The following ST6GAL1 variants were observed in gnomAD, a reference collection of about 807,000 sequenced individuals.
The protein encoded by ST6GAL1 is beta-galactoside alpha-2,6-sialyltransferase 1.
In ST6GAL1, 20 loss-of-function variants were observed where a neutral mutation model predicts 38.0. That is an observed-to-expected ratio of 0.53 (90% confidence interval 0.37 to 0.77). ST6GAL1 has a LOEUF of 0.77. ST6GAL1 is among the 30% of genes least tolerant of loss of function. The pLI, the probability that ST6GAL1 is intolerant of heterozygous loss-of-function variation, is 0.00. For synonymous variants in ST6GAL1, 196 were observed against 188.2 expected (o/e 1.04, Z -0.34); for missense variants, 432 against 496.4 (o/e 0.87, Z 1.23).
chr3:187,062,901 A>G (rs548336217), intron 5 of ST6GAL1, among the ~76,000 whole-genome samples: 1 of 152,220 alleles, frequency 6.6e-6, no homozygotes, highest in African/African-American at 2.4e-5. Flanking sequence ...TCCACTTTAT[A>G]TGGAACACCT....
rs1717930062 is a variant in ST6GAL1, at chr3:187,036,308, A to G, written c.-182-2434A>G. Reference sequence around the variant, plus strand: ...CCTACACACTGTTGTTGAGAATGTTAATTAGTTCAGCCACCATGAAAAGCA... The same window carrying G: ...CCTACACACTGTTGTTGAGAATGTTGATTAGTTCAGCCACCATGAAAAGCA... On this transcript the variant is annotated intron_variant, in intron 2 of 7. Coordinates refer to ENST00000169298, the MANE Select transcript of ST6GAL1 (RefSeq NM_173216.2). Among the ~76,000 whole-genome samples the G allele has an allele frequency of 2.0e-5, 3 of 152,230 alleles. No homozygotes were observed. In the South Asian group the frequency reaches 6.2e-4, roughly 32 times the overall value.
intron 2 of ST6GAL1, among the ~76,000 whole-genome samples, chr3:187,012,410 A>C (rs1183756999): frequency 6.6e-6 from 1 of 152,112 alleles, no homozygotes; most frequent in Non-Finnish European, 1.5e-5. Context: ...GGCGTGCGCC[A>C]CCATACCCAG....
intron 2 of ST6GAL1, chr3:187,006,649 AAAG>A (rs1716796335): frequency 6.6e-6 from 1 of 152,218 alleles, no homozygotes; most frequent in Admixed American, 6.5e-5. Flanking sequence ...ACTGAGGTAA[AAAG>A]AAGTAAGTGA....
In ST6GAL1 at chr3:187,076,930, CTTCCTT is replaced by C; in HGVS notation, c.*1131_*1136del. On this transcript the variant is annotated 3_prime_UTR_variant, in exon 8 of 8. Transcript: ENST00000169298. The stretch of plus-strand genomic sequence containing the variant: ...GCTGGGTTTACATACCAGTCCCATT[CTTCCTT>C]TTCAATACCTACCCCCAAATCTTCT... 1 of 398,532 alleles carries C rather than the reference CTTCCTT, an allele frequency of 2.5e-6. No homozygotes were observed. Among genetic ancestry groups the C allele is most frequent in the East Asian group, 3.6e-5 (1 of 28,062 alleles). The allele number at this position is 398,532 out of a possible 1,614,324, so 24.7% of individuals were successfully genotyped here. A position where few individuals can be genotyped will look rare whatever the true frequency, so the allele number is the denominator to read the frequency against.
intron 2 of ST6GAL1, among the ~76,000 whole-genome samples, chr3:186,969,197 ACC>A (rs1715256930): frequency 3.7e-5 from 1 of 26,938 alleles, no homozygotes; most frequent in East Asian, 1.6e-3. Flanking sequence ...GATTACAGGC[ACC>A]TGGCCACCAT....
chr3:187,064,176 C>G (rs1560182333), intron 5 of ST6GAL1, among the ~76,000 whole-genome samples: 1 of 152,118 alleles, frequency 6.6e-6, no homozygotes, highest in African/African-American at 2.4e-5. Context: ...TGATGACTCT[C>G]ATACAGATAT....
chr3:186,946,680 G>C (rs2108518365), intron 1 of ST6GAL1, among the ~76,000 whole-genome samples: 1 of 152,270 alleles, frequency 6.6e-6, no homozygotes, highest in South Asian at 2.1e-4. Context: ...CCTGGATAGA[G>C]GGCTCTTGGG....
intron 1 of ST6GAL1, among the ~76,000 whole-genome samples, chr3:186,947,295 T>A (rs925568007): frequency 6.6e-6 from 1 of 152,156 alleles, no homozygotes; most frequent in African/African-American, 2.4e-5. Context: ...CAGCAGCACA[T>A]ACACGAAAAG....
At chr3:187,025,015 G>C (rs1390747315) in intron 2 of ST6GAL1, among the ~76,000 whole-genome samples, 2 of 151,708 alleles carry the variant, frequency 1.3e-5, no homozygotes, top group East Asian at 3.9e-4. Flanking sequence ...GTGTGTGTGT[G>C]TGTGTCTGTG....
At chr3:187,021,148 G>C (rs1294431854) in intron 2 of ST6GAL1, among the ~76,000 whole-genome samples, 1 of 151,988 alleles carries the variant, frequency 6.6e-6, no homozygotes, top group East Asian at 1.9e-4. Context: ...ATTTTTAGTA[G>C]AGATGGGATT....
At chr3:187,033,854 C>T (rs569094554) in intron 2 of ST6GAL1, among the ~76,000 whole-genome samples, 13 of 151,618 alleles carry the variant, frequency 8.6e-5, no homozygotes, top group Admixed American at 7.9e-4. Context: ...CCCAGAGGAA[C>T]TAGAAAAAAA....
chr3:187,009,672 T>G (rs917708506), intron 2 of ST6GAL1, among the ~76,000 whole-genome samples: 2 of 151,956 alleles, frequency 1.3e-5, no homozygotes, highest in Non-Finnish European at 2.9e-5. Flanking sequence ...AAGTAAAAAC[T>G]GTAAGAAATG....
At chr3:186,945,771 G>C (rs1335698368) in intron 1 of ST6GAL1, among the ~76,000 whole-genome samples, 1 of 150,184 alleles carries the variant, frequency 6.7e-6, no homozygotes, top group Non-Finnish European at 1.5e-5. Flanking sequence ...TGGATCACGA[G>C]ATCAGGAGAT....
At chr3:186,935,660 A>G (rs1713925979) in intron 1 of ST6GAL1, among the ~76,000 whole-genome samples, 1 of 152,170 alleles carries the variant, frequency 6.6e-6, no homozygotes, top group African/African-American at 2.4e-5. Context: ...CCTTGCCAGC[A>G]TCTGTTACTT....
intron 2 of ST6GAL1, among the ~76,000 whole-genome samples, chr3:187,027,613 C>G (rs1305767740): frequency 6.6e-6 from 1 of 152,108 alleles, no homozygotes; most frequent in African/African-American, 2.4e-5. Context: ...CTTGCCCCGT[C>G]TTCTTTTCTC....
intron 4 of ST6GAL1, among the ~76,000 whole-genome samples, chr3:187,045,745 C>T (rs1276392284): frequency 1.3e-5 from 2 of 152,164 alleles, no homozygotes; most frequent in Admixed American, 6.5e-5. Flanking sequence ...TAATAAAATT[C>T]GGTGTGATTA....
chr3:187,035,577 T>C (rs1167667459), intron 2 of ST6GAL1, among the ~76,000 whole-genome samples: 1 of 152,112 alleles, frequency 6.6e-6, no homozygotes, highest in Non-Finnish European at 1.5e-5. Context: ...TGGAGCAGAA[T>C]AGTGAACCCA....
chr3:187,060,602 G>A (rs1311393274), intron 5 of ST6GAL1, among the ~76,000 whole-genome samples: 1 of 152,208 alleles, frequency 6.6e-6, no homozygotes, highest in Non-Finnish European at 1.5e-5. Context: ...TACGCTGATA[G>A]CTTGCACAAG....
intron 2 of ST6GAL1, chr3:186,996,532 T>C (rs2108549562): frequency 1.3e-5 from 2 of 152,282 alleles, no homozygotes; most frequent in Middle Eastern, 3.4e-3. Context: ...AGCGGAGGGT[T>C]ACGCATTTGC....
Sources: allele counts gnomAD v4.1 joint callset (sites outside exome capture counted in the v4.1 genomes callset), GRCh38; gene constraint gnomAD v4.1.1; transcripts MANE v1.5; gene names NCBI Gene and HGNC (gene_info 2026-07-23, HGNC 2026-07-21).